Variants in RSRC1 observed in about 807,000 individuals in gnomAD.
RSRC1 encodes serine/Arginine-related protein 53.
Under a neutral mutation model 49.1 loss-of-function variants are expected in RSRC1, and 39 were observed. That is an observed-to-expected ratio of 0.79 (90% confidence interval 0.61 to 1.04). The LOEUF is 1.04. Ranked by LOEUF, RSRC1 falls within the 50% of genes least tolerant of loss-of-function variation. The pLI is 0.00. For missense variants in RSRC1, 388 were observed against 402.4 expected (o/e 0.96, Z 0.31); for synonymous variants, 143 against 130.8 (o/e 1.09, Z -0.63).
chr3:158,330,252 G>A (rs1020257550), intron 5 of RSRC1, among the ~76,000 whole-genome samples: 1 of 152,178 alleles, frequency 6.6e-6, no homozygotes, highest in African/African-American at 2.4e-5. Flanking sequence ...TGCCCCCACT[G>A]TCTGACGAGC....
intron 1 of RSRC1, among the ~76,000 whole-genome samples, chr3:158,118,413 CTGTGTG>C (rs57257889): frequency 0.093 from 8,367 of 90,008 alleles, 319 homozygotes; most frequent in Non-Finnish European, 0.11. Context: ...ACCTGGCCTT[CTGTGTG>C]TGTGTGTGTG....
At chr3:158,302,076 T>C (rs1338448728) in intron 5 of RSRC1, among the ~76,000 whole-genome samples, 2 of 149,230 alleles carry the variant, frequency 1.3e-5, no homozygotes, top group Non-Finnish European at 3.0e-5. Context: ...TGCTTAACAT[T>C]ATATCCTGGA....
At chr3:158,291,580 T>A (rs1332767345) in intron 4 of RSRC1, among the ~76,000 whole-genome samples, 1 of 152,194 alleles carries the variant, frequency 6.6e-6, no homozygotes, top group Non-Finnish European at 1.5e-5. Flanking sequence ...ATGAGAAAAA[T>A]TGTCATTACT....
chr3:158,146,536 T>G (rs1025754193), intron 3 of RSRC1, among the ~76,000 whole-genome samples: 18 of 152,178 alleles, frequency 1.2e-4, no homozygotes, highest in African/African-American at 3.6e-4. Flanking sequence ...TTTGCCAGTA[T>G]TTTATTGAGG....
intron 7 of RSRC1, among the ~76,000 whole-genome samples, chr3:158,517,107 A>G (rs938351275): frequency 6.6e-6 from 1 of 152,206 alleles, no homozygotes; most frequent in Non-Finnish European, 1.5e-5. Flanking sequence ...CTATTCGGCC[A>G]TCTTGGCTCC....
At position 158,218,669 on chromosome 3, in the gene RSRC1, G is replaced by A. The variant is rs138603978; in HGVS notation, c.494+15424G>A. ...AACATGGTCTCAGGTTTTCAATTCCGTTTTATTCTTAACTCTTTAGGTATT... is the reference window on the plus strand; with the variant it reads ...AACATGGTCTCAGGTTTTCAATTCCATTTTATTCTTAACTCTTTAGGTATT... On this transcript the variant is annotated intron_variant, in intron 4 of 9. Transcript: ENST00000611884. Among the ~76,000 whole-genome samples, 445 of 151,618 alleles carry A rather than the reference G, an allele frequency of 2.9e-3. 5 individuals carry two copies. Among genetic ancestry groups the A allele is most frequent in the African/African-American group, 9.9e-3 (409 of 41,436 alleles).
At chr3:158,311,157 A>G (rs1421943031) in intron 5 of RSRC1, among the ~76,000 whole-genome samples, 10 of 151,886 alleles carry the variant, frequency 6.6e-5, no homozygotes, top group Non-Finnish European at 2.9e-5. Flanking sequence ...AACTTACAGT[A>G]CCTCTCTAAC....
At chr3:158,376,251 G>C (rs1312733641) in intron 6 of RSRC1, among the ~76,000 whole-genome samples, 1 of 146,652 alleles carries the variant, frequency 6.8e-6, no homozygotes, top group African/African-American at 2.5e-5. Context: ...GAGTGCAGTG[G>C]TGCAATATTG....
At chr3:158,346,765 A>G (rs1464113684) in intron 5 of RSRC1, among the ~76,000 whole-genome samples, 1 of 152,236 alleles carries the variant, frequency 6.6e-6, no homozygotes, top group Non-Finnish European at 1.5e-5. Context: ...TTTCAATTAT[A>G]GATATTTACC....
At chr3:158,120,796 A>C (rs1715204584) in intron 1 of RSRC1, among the ~76,000 whole-genome samples, 1 of 150,344 alleles carries the variant, frequency 6.7e-6, no homozygotes, top group African/African-American at 2.4e-5. Flanking sequence ...ATTTTGAATA[A>C]ATATTAAAGA....
intron 6 of RSRC1, among the ~76,000 whole-genome samples, chr3:158,378,236 T>C (rs1560017449): frequency 1.3e-5 from 2 of 152,198 alleles, no homozygotes; most frequent in South Asian, 4.1e-4. Context: ...ATGTACCTCA[T>C]TGAGCATAGT....
chr3:158,446,117 T>C (rs1220307260), intron 6 of RSRC1, among the ~76,000 whole-genome samples: 1 of 152,114 alleles, frequency 6.6e-6, no homozygotes, highest in Non-Finnish European at 1.5e-5. Context: ...TGATTAATAC[T>C]AAGCCAGGAA....
intron 5 of RSRC1, among the ~76,000 whole-genome samples, chr3:158,304,482 G>A (rs150229660): frequency 5.8e-4 from 88 of 152,052 alleles, no homozygotes; most frequent in Middle Eastern, 6.8e-3. Context: ...CTAAACTTTC[G>A]TCTGTAGCAT....
chr3:158,194,534 A>G (rs1203685868), intron 3 of RSRC1, among the ~76,000 whole-genome samples: 7 of 140,654 alleles, frequency 5.0e-5, no homozygotes, highest in African/African-American at 1.9e-4. Context: ...TTTAGGGTAT[A>G]TGTGCACAAC....
intron 4 of RSRC1, among the ~76,000 whole-genome samples, chr3:158,226,960 C>G (rs1722562844): frequency 6.6e-6 from 1 of 151,654 alleles, no homozygotes; most frequent in Non-Finnish European, 1.5e-5. Flanking sequence ...TTTTTCTGTA[C>G]TGCCCCACAA....
At chr3:158,433,950 T>A (rs1221181506) in intron 6 of RSRC1, among the ~76,000 whole-genome samples, 1 of 151,920 alleles carries the variant, frequency 6.6e-6, no homozygotes, top group Non-Finnish European at 1.5e-5. Flanking sequence ...TAAAATAAAG[T>A]TATCTCTTGG....
intron 5 of RSRC1, among the ~76,000 whole-genome samples, chr3:158,327,051 T>C (rs1729200074): frequency 6.6e-6 from 1 of 152,220 alleles, no homozygotes; most frequent in Non-Finnish European, 1.5e-5. Context: ...TGGTAGTTTG[T>C]ATTTCTGTGG....
chr3:158,253,037 C>A (rs533783814), intron 4 of RSRC1, among the ~76,000 whole-genome samples: 163 of 122,294 alleles, frequency 1.3e-3, no homozygotes, highest in Middle Eastern at 3.8e-3. Flanking sequence ...TGAACTTTTT[C>A]TTTCATTGAT....
intron 4 of RSRC1, among the ~76,000 whole-genome samples, chr3:158,234,551 A>G (rs1268821169): frequency 6.6e-6 from 1 of 151,970 alleles, no homozygotes; most frequent in African/African-American, 2.4e-5. Context: ...TGGAACTTAT[A>G]TAGGAAATTA....
Sources: gnomAD v4.1 joint callset for allele counts (sites outside exome capture counted in the v4.1 genomes callset) on GRCh38, gnomAD v4.1.1 for gene constraint, MANE v1.5 for transcripts, NCBI Gene and HGNC (gene_info 2026-07-23, HGNC 2026-07-21) for gene names.